STXBP4: variants seen among roughly 807,000 people sequenced by gnomAD.
STXBP4 encodes the protein syntaxin-binding protein 4.
Under a neutral mutation model 76.1 loss-of-function variants are expected in STXBP4, and 55 were observed. The observed-to-expected ratio is 0.72, with a 90% CI of 0.58 to 0.91. The LOEUF is 0.91. STXBP4 is among the 40% of genes least tolerant of loss of function. The pLI is 0.00. For synonymous variants in STXBP4, 201 were observed against 220.2 expected, an observed-to-expected ratio of 0.91 and a Z score of 0.77; for missense variants, 618 against 636.9, an observed-to-expected ratio of 0.97 and a Z score of 0.32.
intron 9 of STXBP4, 33 bp from the exon 10 acceptor site, chr17:55,034,135 G>A: frequency 6.5e-7 from 1 of 1,541,560 alleles, no homozygotes; most frequent in Non-Finnish European, 9.0e-7. Flanking sequence ...GGGGTTAAAT[G>A]CCATGTTCTT....
intron 16 of STXBP4, among the ~76,000 whole-genome samples, chr17:55,119,054 C>T (rs1420556203): frequency 6.6e-6 from 1 of 151,530 alleles, no homozygotes; most frequent in Non-Finnish European, 1.5e-5. Flanking sequence ...GTGCTGCACC[C>T]ATTAACTCGT....
intron 8 of STXBP4, among the ~76,000 whole-genome samples, chr17:55,019,955 G>A (rs1049711890): frequency 6.6e-6 from 1 of 151,986 alleles, no homozygotes; most frequent in Non-Finnish European, 1.5e-5. Context: ...ACCTGTTATT[G>A]GTGTTCTGTA....
intron 12 of STXBP4, among the ~76,000 whole-genome samples, chr17:55,057,638 A>G (rs2053808752): frequency 6.6e-6 from 1 of 152,116 alleles, no homozygotes; most frequent in Non-Finnish European, 1.5e-5. Flanking sequence ...TGCTGCACCT[A>G]TCAACCCGAC....
chr17:54,974,443 C>G (rs2077440395), intron 1 of STXBP4, among the ~76,000 whole-genome samples: 1 of 152,166 alleles, frequency 6.6e-6, no homozygotes, highest in Non-Finnish European at 1.5e-5. Context: ...TGAGGAACTA[C>G]TCCGTTTAAA....
chr17:55,082,189 A>C lies in STXBP4; in HGVS notation c.1489+1006A>C, dbSNP rs368007953. ...TACTAGGATATATAATGTAGTCATC[A>C]GATGCCTGCACCTAAACAGAGAATC... On this transcript the variant is annotated intron_variant, in intron 16 of 17. Coordinates refer to ENST00000376352, the MANE Select transcript of STXBP4 (RefSeq NM_178509.6). 1.4e-3 allele frequency among the ~76,000 whole-genome samples: 216 copies of C among 152,348 alleles called. 1 individual carries two copies. The highest frequency in any genetic ancestry group is 5.0e-3 in the African/African-American group (207 of 41,586).
At chr17:55,159,553 C>T (rs1280782819) in intron 17 of STXBP4, among the ~76,000 whole-genome samples, 1 of 152,132 alleles carries the variant, frequency 6.6e-6, no homozygotes, top group African/African-American at 2.4e-5. Context: ...GATACTGAAA[C>T]GAAAGGAGTT....
intron 10 of STXBP4, among the ~76,000 whole-genome samples, chr17:55,039,422 CTG>C (rs940123569): frequency 1.3e-5 from 2 of 151,294 alleles, no homozygotes; most frequent in Non-Finnish European, 2.9e-5. Flanking sequence ...GTTTAGAAGT[CTG>C]TACTTTACTC....
chr17:55,052,973 C>A (rs2078879822), intron 12 of STXBP4, among the ~76,000 whole-genome samples: 1 of 103,250 alleles, frequency 9.7e-6, no homozygotes, highest in African/African-American at 3.7e-5. Context: ...TTAGAAATGT[C>A]AATGCTATTT....
At chr17:55,193,103 TG>T in the STXBP4 span, among the ~76,000 whole-genome samples, 595 of 152,238 alleles carry the variant, frequency 3.9e-3, 2 homozygotes, top group Middle Eastern at 0.017. Flanking sequence ...AAAGGACTGG[TG>T]TTCTGAGCTG....
chr17:55,185,916 T>A, the STXBP4 span, among the ~76,000 whole-genome samples: 1 of 152,198 alleles, frequency 6.6e-6, no homozygotes, highest in Admixed American at 6.5e-5. Context: ...CTGGTGAGTT[T>A]GGGAAGCTGT....
At chr17:55,075,786 G>A (rs1458090423) in intron 13 of STXBP4, among the ~76,000 whole-genome samples, 1 of 152,074 alleles carries the variant, frequency 6.6e-6, no homozygotes, top group Non-Finnish European at 1.5e-5. Flanking sequence ...GTGATGTGCT[G>A]GGACCAACTG....
At chr17:55,030,835 T>C (rs2078494702) in intron 8 of STXBP4, 1 of 193,146 alleles carries the variant, frequency 5.2e-6, no homozygotes. Context: ...AGAGTGTCAC[T>C]TGTAAATCTG....
chr17:55,196,338 AC>A, the STXBP4 span, among the ~76,000 whole-genome samples: 2 of 151,954 alleles, frequency 1.3e-5, no homozygotes, highest in Non-Finnish European at 2.9e-5. Context: ...CCTGCCACAC[AC>A]CCCATACTCC....
At chr17:55,208,296 A>G in the STXBP4 span, among the ~76,000 whole-genome samples, 2 of 151,996 alleles carry the variant, frequency 1.3e-5, no homozygotes, top group African/African-American at 2.4e-5. Context: ...TGTTGACTTG[A>G]CTACAGACTG....
At chr17:55,108,819 C>T (rs368998652) in intron 16 of STXBP4, among the ~76,000 whole-genome samples, 3 of 152,282 alleles carry the variant, frequency 2.0e-5, no homozygotes, top group African/African-American at 4.8e-5. Flanking sequence ...GCATTGATCT[C>T]GCTGGGAGCT....
intron 1 of STXBP4, among the ~76,000 whole-genome samples, chr17:54,969,695 T>G (rs1200398420): frequency 6.6e-6 from 1 of 152,232 alleles, no homozygotes; most frequent in Non-Finnish European, 1.5e-5. Context: ...TTATCCCCAC[T>G]ATGTGGATGA....
chr17:55,206,159 A>G, the STXBP4 span, among the ~76,000 whole-genome samples: 2 of 152,142 alleles, frequency 1.3e-5, no homozygotes, highest in African/African-American at 4.8e-5. Flanking sequence ...TTATGTGTGT[A>G]GGTGTCTATG....
intron 16 of STXBP4, among the ~76,000 whole-genome samples, chr17:55,106,618 T>A: frequency 6.6e-6 from 1 of 152,184 alleles, no homozygotes; most frequent in East Asian, 1.9e-4. Flanking sequence ...TTTTCCATAT[T>A]TAGTGCTTCC....
intron 16 of STXBP4, among the ~76,000 whole-genome samples, chr17:55,134,276 A>AG (rs1484063876): frequency 6.6e-6 from 1 of 152,022 alleles, no homozygotes; most frequent in Non-Finnish European, 1.5e-5. Flanking sequence ...ACAAGAGGAT[A>AG]GGGTGAATGT....
Sources: gnomAD v4.1 joint callset for allele counts (sites outside exome capture counted in the v4.1 genomes callset) on GRCh38, gnomAD v4.1.1 for gene constraint, MANE v1.5 for transcripts, NCBI Gene and HGNC (gene_info 2026-07-23, HGNC 2026-07-21) for gene names.